Variants in LTO1 observed in about 807,000 individuals in gnomAD.
LTO1 encodes the protein protein LTO1 homolog.
A neutral mutation model predicts 19.8 loss-of-function variants in LTO1; 18 were observed. The ratio of observed to expected loss-of-function variants is 0.91; its 90% confidence interval spans 0.63 to 1.35. The LOEUF is 1.35. Among genes scored for constraint, LTO1 ranks in the 40% most tolerant of loss-of-function variants. The probability of loss-of-function intolerance (pLI) is 0.00; values close to 1 mark genes in which losing one functional copy is unlikely to be tolerated. For synonymous variants in LTO1, 59 were observed against 59.6 expected (o/e 0.99, Z 0.05); for missense variants, 175 against 167.9 (o/e 1.04, Z -0.23).
In LTO1 at chr11:69,666,854, AG is replaced by A. The variant is rs953602147; in HGVS notation, c.*664del. 6.6e-6 allele frequency: 1 copy of A among 152,168 alleles called. No individual in the cohort carries two copies. Among genetic ancestry groups the A allele is most frequent in the Non-Finnish European group, 1.5e-5 (1 of 68,054 alleles). 9.4% of individuals were successfully genotyped at this position (152,168 alleles called of 1,614,324 possible). On this transcript the variant is annotated 3_prime_UTR_variant, in exon 5 of 5. Coordinates refer to ENST00000279147, the MANE Select transcript of LTO1 (RefSeq NM_153451.3). Reference sequence around the variant, plus strand: ...ACCTGTGCGGCCTGGGAGGGAGGGCAGGGACTCGCCTGTGCATTCCGGAGGC... The same window carrying A: ...ACCTGTGCGGCCTGGGAGGGAGGGCAGGACTCGCCTGTGCATTCCGGAGGC...
At position 69,667,624 on chromosome 11, in the gene LTO1, G is replaced by T. The variant is rs370219707; in HGVS notation, c.346-37C>A. The T allele has an allele frequency of 4.2e-4, 594 of 1,408,522 alleles. 4 individuals carry two copies. The Admixed American group carries it at 6.7e-3, about 16-fold the overall frequency. 87.3% of individuals were successfully genotyped at this position (1,408,522 alleles called of 1,614,324 possible). On this transcript the variant is annotated intron_variant, in intron 4 of 4. Transcript: ENST00000279147. ...AAAGAGATGGTATTTTTAATCTTGT[G>T]CATTTTTACTGAAAAATGAGAAGAT...
At chr11:69,667,851 G>T in intron 4 of LTO1, 44 bp downstream of exon 4, 1 of 996,416 alleles carries the variant, frequency 1.0e-6, no homozygotes, top group Non-Finnish European at 1.6e-6. Flanking sequence ...TGGGAAAGGC[G>T]CAATCAGGTG....
intron 1 of LTO1, among the ~76,000 whole-genome samples, chr11:69,674,252 A>G (rs1029542016): frequency 6.6e-6 from 1 of 152,154 alleles, no homozygotes; most frequent in Non-Finnish European, 1.5e-5. Context: ...GCCCAAGTCA[A>G]CCGCTTCCAA....
At chr11:69,672,785 T>A (rs1856125249) in intron 2 of LTO1, 1 of 314,872 alleles carries the variant, frequency 3.2e-6, no homozygotes, top group African/African-American at 2.2e-5. Context: ...TTAACTCCCA[T>A]GCAAAGGCAC....
chr11:69,673,425 A>C (rs1484728549), intron 1 of LTO1, 104 bp from the exon 2 acceptor site: 2 of 745,224 alleles, frequency 2.7e-6, no homozygotes, highest in Non-Finnish European at 4.6e-6. Context: ...GACAAACCAG[A>C]GTAAAGGAGG....
intron 4 of LTO1, 27 bp downstream of exon 4, chr11:69,667,868 G>A (rs1212796182): frequency 9.1e-7 from 1 of 1,098,824 alleles, no homozygotes; most frequent in South Asian, 1.2e-5. Flanking sequence ...GGTGCTCCTA[G>A]CAGGAGGAAA....
intron 3 of LTO1, among the ~76,000 whole-genome samples, chr11:69,669,242 C>T (rs1856075166): frequency 1.3e-5 from 2 of 152,106 alleles, no homozygotes; most frequent in African/African-American, 2.4e-5. Context: ...CATGCTGCCT[C>T]TATGCCGCAT....
intron 3 of LTO1, among the ~76,000 whole-genome samples, chr11:69,671,025 C>G (rs1309003339): frequency 6.6e-6 from 1 of 152,104 alleles, no homozygotes; most frequent in Non-Finnish European, 1.5e-5. Context: ...CTCAGCCTCC[C>G]GAGTAGCTGG....
intron 1 of LTO1, 104 bp from the exon 2 acceptor site, chr11:69,673,425 A>G (rs1484728549): frequency 1.3e-6 from 1 of 745,224 alleles, no homozygotes; most frequent in Non-Finnish European, 2.3e-6. Flanking sequence ...GACAAACCAG[A>G]GTAAAGGAGG....
chr11:69,673,388 C>G (rs1856140247), intron 1 of LTO1, 67 bp from the exon 2 acceptor site: 1 of 1,108,518 alleles, frequency 9.0e-7, no homozygotes, highest in African/African-American at 1.5e-5. Context: ...AAAAACTTCT[C>G]TCTCTTGTAT....
chr11:69,671,875 C>A, intron 2 of LTO1, 56 bp from the exon 3 acceptor site: 2 of 991,520 alleles, frequency 2.0e-6, no homozygotes, highest in South Asian at 1.3e-5. Context: ...GCTACACTTT[C>A]ATTACCAAGA....
In LTO1 at chr11:69,669,636, A is replaced by G. The variant is rs1856080970; in HGVS notation, c.228-1624T>C. On this transcript the variant is annotated intron_variant, in intron 3 of 4. Coordinates refer to ENST00000279147, the MANE Select transcript of LTO1 (RefSeq NM_153451.3). ...TTTTCTGGTCAGCGATGCTGCTCAG[A>G]CACACCCAGCCGGGCGCACCATCAG... 2.6e-5 allele frequency among the ~76,000 whole-genome samples: 4 copies of G among 152,158 alleles called. No homozygotes were observed. The South Asian group carries it at 8.3e-4, about 32-fold the overall frequency.
At chr11:69,672,203 A>C (rs1856119543) in intron 2 of LTO1, 3 of 212,388 alleles carry the variant, frequency 1.4e-5, no homozygotes, top group African/African-American at 2.2e-5. Flanking sequence ...AGGACACACA[A>C]GCAGCCCCAT....
At position 69,666,935 on chromosome 11, in the gene LTO1, T is replaced by G. The variant is rs1442209534; in HGVS notation, c.*584A>C. The G allele has an allele frequency of 6.6e-6, 1 of 152,636 alleles. No homozygotes were observed. The highest frequency in any genetic ancestry group is 3.4e-3 in the Middle Eastern group (1 of 296). The allele number at this position is 152,636 out of a possible 1,614,324, so 9.5% of individuals were successfully genotyped here. ...CTTAGGGCGGAAGTCCTAGCTCTGCTGCTGGGTGCCCTTAGACCAGGCAAT... is the reference window on the plus strand; with the variant it reads ...CTTAGGGCGGAAGTCCTAGCTCTGCGGCTGGGTGCCCTTAGACCAGGCAAT... On this transcript the variant is annotated 3_prime_UTR_variant, in exon 5 of 5. Transcript: ENST00000279147.
rs767657926 is a variant in LTO1, at chr11:69,667,492, C to T, written c.*27G>A. 6 of 1,464,688 alleles carry T rather than the reference C, an allele frequency of 4.1e-6. No individual in the cohort carries two copies. The highest frequency in any genetic ancestry group is 5.7e-6 in the Non-Finnish European group (6 of 1,043,772). The allele number at this position is 1,464,688 out of a possible 1,614,324, so 90.7% of individuals were successfully genotyped here. A position where few individuals can be genotyped will look rare whatever the true frequency, so the allele number is the denominator to read the frequency against. On this transcript the variant is annotated 3_prime_UTR_variant, in exon 5 of 5. Transcript: ENST00000279147. Reference sequence around the variant, plus strand: ...CGTCACACACACATCTGTTCCTCGACGTTCGGTCTCTGTTCATCCATCCTC... The same window carrying T: ...CGTCACACACACATCTGTTCCTCGATGTTCGGTCTCTGTTCATCCATCCTC...
Position 69,667,599 on chromosome 11 carries a change from A to G in LTO1, c.346-12T>C, listed in dbSNP as rs1427060539. On this transcript the variant is annotated splice_polypyrimidine_tract_variant and intron_variant, in intron 4 of 4. Transcript: ENST00000279147. ...AGTAACGAACAAAACTGAAAACACA[A>G]AAGAGATGGTATTTTTAATCTTGTG... 1.9e-6 allele frequency: 3 copies of G among 1,565,422 alleles called. No homozygotes were observed. Among genetic ancestry groups the G allele is most frequent in the East Asian group, 2.2e-5 (1 of 44,658 alleles).
intron 3 of LTO1, chr11:69,668,235 A>C (rs930635296): frequency 2.0e-6 from 1 of 490,120 alleles, no homozygotes; most frequent in East Asian, 3.4e-5. Context: ...TGCCTAGCTT[A>C]CAGACACGCC....
At chr11:69,668,142 A>T in intron 3 of LTO1, 130 bp from the exon 4 acceptor site, 1 of 661,784 alleles carries the variant, frequency 1.5e-6, no homozygotes. Context: ...AAGCTGGATG[A>T]TTATTTTCTC....
chr11:69,673,018 T>A (rs954228238), intron 2 of LTO1, 198 bp downstream of exon 2: 8 of 634,328 alleles, frequency 1.3e-5, no homozygotes, highest in Non-Finnish European at 2.3e-5. Context: ...GTCAGGCTGG[T>A]CTCCAACTCC....
Sources: gnomAD v4.1 joint callset for allele counts (sites outside exome capture counted in the v4.1 genomes callset) on GRCh38, gnomAD v4.1.1 for gene constraint, MANE v1.5 for transcripts, NCBI Gene and HGNC (gene_info 2026-07-23, HGNC 2026-07-21) for gene names.